OSBPL9: variants seen among roughly 807,000 people sequenced by gnomAD.
The protein encoded by OSBPL9 is oxysterol binding protein like 9.
Under a neutral mutation model 106.6 loss-of-function variants are expected in OSBPL9, and 40 were observed. That is an observed-to-expected ratio of 0.38 (90% confidence interval 0.29 to 0.49). OSBPL9 has a LOEUF of 0.49. Ranked by LOEUF, OSBPL9 falls within the 20% of genes least tolerant of loss-of-function variation. OSBPL9 has a pLI of 0.97. For missense variants in OSBPL9, 609 were observed against 887.2 expected (o/e 0.69, Z 3.98); for synonymous variants, 269 against 295.4 (o/e 0.91, Z 0.92).
chr1:51,674,083 G>A (rs114798590), intron 3 of OSBPL9, among the ~76,000 whole-genome samples: 1,634 of 137,440 alleles, frequency 0.012, 34 homozygotes, highest in African/African-American at 0.043. Context: ...TTTTTTTTCA[G>A]GGCCTTGCTC....
chr1:51,699,571 G>A (rs1656802013), intron 3 of OSBPL9, among the ~76,000 whole-genome samples: 1 of 152,116 alleles, frequency 6.6e-6, no homozygotes, highest in Admixed American at 6.5e-5. Context: ...TGACCTCTGT[G>A]TCCTTTTAAC....
chr1:51,532,618 C>T, the OSBPL9 span, among the ~76,000 whole-genome samples: 1 of 152,192 alleles, frequency 6.6e-6, no homozygotes, highest in African/African-American at 2.4e-5. Flanking sequence ...CCAGTTGACA[C>T]AGTTGTGGGT....
At position 51,746,706 on chromosome 1, in the gene OSBPL9, G is replaced by T. The variant is rs770342949; in HGVS notation, c.415-4G>T. 17 of 1,603,836 alleles carry T rather than the reference G, an allele frequency of 1.1e-5. No individual in the cohort carries two copies. The highest frequency in any genetic ancestry group is 1.4e-5 in the Non-Finnish European group (17 of 1,173,748). On this transcript the variant is annotated splice_region_variant and splice_polypyrimidine_tract_variant and intron_variant, in intron 5 of 23. Transcript: ENST00000428468. ...TACTATAACCATTTTTTAAAATCTT[G>T]TAGCTTTTTGATGACAAGCTTCAAA...
intron 2 of OSBPL9, among the ~76,000 whole-genome samples, chr1:51,662,798 G>A (rs1647357467): frequency 6.9e-6 from 1 of 145,338 alleles, no homozygotes; most frequent in Admixed American, 7.0e-5. Flanking sequence ...AGGGTGGAGT[G>A]CAGTGGCGTG....
intron 1 of OSBPL9, among the ~76,000 whole-genome samples, chr1:51,578,108 A>G (rs1645197321): frequency 6.6e-6 from 1 of 152,266 alleles, no homozygotes; most frequent in Admixed American, 6.5e-5. Context: ...TATTTAGCAC[A>G]GAGTAATAAC....
chr1:51,556,805 A>T, the OSBPL9 span, among the ~76,000 whole-genome samples: 2 of 149,746 alleles, frequency 1.3e-5, no homozygotes, highest in African/African-American at 2.4e-5. Flanking sequence ...AAAAAAAAGT[A>T]TATATATACA....
At chr1:51,570,599 C>A in the OSBPL9 span, among the ~76,000 whole-genome samples, 6 of 152,200 alleles carry the variant, frequency 3.9e-5, no homozygotes, top group Non-Finnish European at 7.3e-5. Context: ...GCAAAGTCTC[C>A]TGGCCTCCAG....
chr1:51,749,837 C>T (rs974362062), intron 7 of OSBPL9, among the ~76,000 whole-genome samples: 3 of 148,550 alleles, frequency 2.0e-5, no homozygotes, highest in African/African-American at 7.5e-5. Flanking sequence ...TGAATAGCCA[C>T]TGCAATCCAG....
intron 3 of OSBPL9, among the ~76,000 whole-genome samples, chr1:51,699,495 CA>C (rs1248101415): frequency 6.6e-6 from 1 of 152,140 alleles, no homozygotes; most frequent in Non-Finnish European, 1.5e-5. Flanking sequence ...TTTACAAACA[CA>C]AATGTCTTTA....
intron 21 of OSBPL9, 183 bp downstream of exon 21, chr1:51,786,069 C>CG: frequency 1.7e-6 from 1 of 586,360 alleles, no homozygotes; most frequent in South Asian, 2.0e-5. Flanking sequence ...CTTTCCTTCC[C>CG]CCACCTTCTC....
chr1:51,747,340 T>C (rs2149008151), intron 6 of OSBPL9, among the ~76,000 whole-genome samples: 1 of 152,176 alleles, frequency 6.6e-6, no homozygotes, highest in East Asian at 1.9e-4. Context: ...GTATCATATG[T>C]TGAAGGTAGA....
At chr1:51,630,117 A>T (rs927271996) in intron 1 of OSBPL9, among the ~76,000 whole-genome samples, 14 of 152,102 alleles carry the variant, frequency 9.2e-5, no homozygotes, top group Non-Finnish European at 1.8e-4. Flanking sequence ...GGGGGGAATG[A>T]ATGAATCAAG....
At chr1:51,687,645 T>C (rs1654097030) in intron 3 of OSBPL9, among the ~76,000 whole-genome samples, 1 of 152,098 alleles carries the variant, frequency 6.6e-6, no homozygotes, top group Non-Finnish European at 1.5e-5. Context: ...TGCACAAGCT[T>C]GGAAGTGTGG....
At chr1:51,527,360 A>G in the OSBPL9 span, among the ~76,000 whole-genome samples, 1 of 151,988 alleles carries the variant, frequency 6.6e-6, no homozygotes, top group East Asian at 1.9e-4. Flanking sequence ...GATGATGATG[A>G]TGATGATGAT....
chr1:51,624,568 G>C (rs544654999), intron 1 of OSBPL9, among the ~76,000 whole-genome samples: 1 of 152,162 alleles, frequency 6.6e-6, no homozygotes, highest in African/African-American at 2.4e-5. Flanking sequence ...CTGGGTGACA[G>C]AGTGAGACTC....
chr1:51,545,434 G>A, the OSBPL9 span, among the ~76,000 whole-genome samples: 3 of 152,038 alleles, frequency 2.0e-5, no homozygotes, highest in South Asian at 2.1e-4. Context: ...TTATCCAGGC[G>A]TGGTGGCATA....
chr1:51,640,961 T>A (rs113891697), intron 1 of OSBPL9, among the ~76,000 whole-genome samples: 36 of 144,700 alleles, frequency 2.5e-4, no homozygotes, highest in Admixed American at 2.7e-4. Context: ...TTAAAAAAAA[T>A]TTTTTTTTTT....
At chr1:51,733,556 C>G (rs975848117) in intron 4 of OSBPL9, among the ~76,000 whole-genome samples, 3 of 152,122 alleles carry the variant, frequency 2.0e-5, no homozygotes, top group Non-Finnish European at 4.4e-5. Context: ...TGGCAGATCA[C>G]CTGAGGTCAG....
chr1:51,612,052 C>A (rs1643991904), intron 2 of OSBPL9, among the ~76,000 whole-genome samples: 1 of 152,154 alleles, frequency 6.6e-6, no homozygotes, highest in African/African-American at 2.4e-5. Flanking sequence ...AAGTTAGAAA[C>A]CTTGGTATTA....
Sources: allele counts gnomAD v4.1 joint callset (sites outside exome capture counted in the v4.1 genomes callset), GRCh38; gene constraint gnomAD v4.1.1; transcripts MANE v1.5; gene names NCBI Gene and HGNC (gene_info 2026-07-23, HGNC 2026-07-21).